RASGRP3: variants seen among roughly 807,000 people sequenced by gnomAD.
RASGRP3 encodes the protein RAS guanyl releasing protein 3.
Under a neutral mutation model 82.7 loss-of-function variants are expected in RASGRP3, and 54 were observed. That is an observed-to-expected ratio of 0.65 (90% CI 0.52 to 0.82). The LOEUF is 0.82. RASGRP3 is among the 40% of genes least tolerant of loss of function. The pLI, the probability that RASGRP3 is intolerant of heterozygous loss-of-function variation, is 0.00. For synonymous variants in RASGRP3, 309 were observed against 300.5 expected (o/e 1.03, Z -0.29); for missense variants, 861 against 828.9 (o/e 1.04, Z -0.48).
intron 2 of RASGRP3, among the ~76,000 whole-genome samples, chr2:33,460,653 T>TA (rs1327639930): frequency 6.6e-6 from 1 of 152,060 alleles, no homozygotes; most frequent in African/African-American, 2.4e-5. Flanking sequence ...TAGCTGGGAC[T>TA]ACAGGCACAA....
In RASGRP3 at chr2:33,523,202, G is replaced by A. The variant is rs531099380; in HGVS notation, c.517-677G>A. Among the ~76,000 whole-genome samples the A allele has an allele frequency of 6.6e-5, 10 of 152,152 alleles. No homozygotes were observed. The South Asian group carries it at 8.3e-4, about 13-fold the overall frequency. ...AAAATGGAGATTCTTGGCCGGGCGC[G>A]CCTTTAATCCCAGCACTTTGGGAGG... On this transcript the variant is annotated intron_variant, in intron 7 of 17. Transcript: ENST00000403687.
chr2:33,516,095 C>G (rs1367677803), intron 3 of RASGRP3, among the ~76,000 whole-genome samples: 1 of 152,172 alleles, frequency 6.6e-6, no homozygotes, highest in Non-Finnish European at 1.5e-5. Context: ...CAAGGAAATA[C>G]TAGCCGAAGT....
intron 10 of RASGRP3, chr2:33,533,145 T>G (rs961939495): frequency 3.9e-5 from 6 of 152,192 alleles, no homozygotes; most frequent in Non-Finnish European, 2.9e-5. Flanking sequence ...TGTCCTAGCT[T>G]TAAAGGACTA....
At chr2:33,442,228 A>T (rs1277735523) in intron 1 of RASGRP3, among the ~76,000 whole-genome samples, 1 of 152,208 alleles carries the variant, frequency 6.6e-6, no homozygotes, top group Non-Finnish European at 1.5e-5. Context: ...GCCAGGCGTG[A>T]TGGCATGCGC....
At position 33,541,979 on chromosome 2, in the gene RASGRP3, C is replaced by CTA. The variant is rs767257156; in HGVS notation, c.1279-1530_1279-1529dup. Among the ~76,000 whole-genome samples, 92 of 146,622 alleles carry CTA rather than the reference C, an allele frequency of 6.3e-4. 5 individuals are homozygous for CTA. Among genetic ancestry groups the CTA allele is most frequent in the Non-Finnish European group, 1.2e-3 (81 of 65,620 alleles). ...AATACACTAGTGCAGTGGCTCATGCCTATAATCCCAGCACTTTGGGAGGCT... is the reference window on the plus strand; with the variant it reads ...AATACACTAGTGCAGTGGCTCATGCCTATATAATCCCAGCACTTTGGGAGGCT... On this transcript the variant is annotated intron_variant, in intron 12 of 17. Coordinates refer to ENST00000403687, the MANE Select transcript of RASGRP3 (RefSeq NM_001139488.2).
At chr2:33,472,783 C>T (rs913962235), upstream of RASGRP3, among the ~76,000 whole-genome samples, 17 of 148,238 alleles carry the variant, frequency 1.1e-4, no homozygotes, top group African/African-American at 3.5e-4. Flanking sequence ...GGTGAAACCC[C>T]GTCTCTACTA....
intron 2 of RASGRP3, among the ~76,000 whole-genome samples, chr2:33,456,358 T>A (rs1574239195): frequency 1.3e-5 from 1 of 75,522 alleles, no homozygotes; most frequent in African/African-American, 3.1e-5. Context: ...TTTATCATTC[T>A]TTCTTTCCTG....
intron 9 of RASGRP3, among the ~76,000 whole-genome samples, chr2:33,526,156 CT>C (rs1672545477): frequency 6.6e-6 from 1 of 152,220 alleles, no homozygotes; most frequent in African/African-American, 2.4e-5. Context: ...ATACAATGTA[CT>C]GATTGGCTTA....
chr2:33,449,734 G>A (rs1039480510), intron 2 of RASGRP3, among the ~76,000 whole-genome samples: 1 of 151,938 alleles, frequency 6.6e-6, no homozygotes, highest in African/African-American at 2.4e-5. Context: ...ACTCCAGCCT[G>A]GTGATAGTAC....
chr2:33,537,054 C>T (rs150089298), intron 11 of RASGRP3, among the ~76,000 whole-genome samples: 1 of 152,048 alleles, frequency 6.6e-6, no homozygotes, highest in African/African-American at 2.4e-5. Flanking sequence ...AGAATCAGGT[C>T]ACATGGACTT....
chr2:33,491,324 TTAAAAA>T (rs1028438217), intron 1 of RASGRP3, among the ~76,000 whole-genome samples: 4 of 149,730 alleles, frequency 2.7e-5, no homozygotes, highest in Admixed American at 2.7e-4. Context: ...CTCAAAAAAA[TTAAAAA>T]TAAAAAAAGT....
intron 1 of RASGRP3, among the ~76,000 whole-genome samples, chr2:33,441,142 T>G (rs1665205158): frequency 6.6e-6 from 1 of 152,182 alleles, no homozygotes; most frequent in African/African-American, 2.4e-5. Flanking sequence ...TCCTCCTGCC[T>G]CGGCCTCCTG....
chr2:33,444,400 T>C (rs888859491), intron 1 of RASGRP3, among the ~76,000 whole-genome samples: 1 of 152,214 alleles, frequency 6.6e-6, no homozygotes, highest in Non-Finnish European at 1.5e-5. Flanking sequence ...ATAAAAACTT[T>C]ATATTCCCTT....
chr2:33,471,729 T>C (rs897191090), upstream of RASGRP3, among the ~76,000 whole-genome samples: 2 of 152,156 alleles, frequency 1.3e-5, no homozygotes, highest in Non-Finnish European at 2.9e-5. Context: ...ACTTTTACAT[T>C]TTTCCATGGT....
chr2:33,553,619 G>A (rs1675587420), intron 14 of RASGRP3, among the ~76,000 whole-genome samples: 1 of 151,954 alleles, frequency 6.6e-6, no homozygotes, highest in Admixed American at 6.6e-5. Flanking sequence ...GGCCACCACT[G>A]CCCTTTTCTG....
chr2:33,450,941 C>T (rs1306625427), intron 2 of RASGRP3, among the ~76,000 whole-genome samples: 2 of 144,862 alleles, frequency 1.4e-5, no homozygotes, highest in Non-Finnish European at 1.5e-5. Flanking sequence ...AGGTTCACAG[C>T]ATTCTCCTGC....
chr2:33,443,284 A>T (rs1436678455), intron 1 of RASGRP3, among the ~76,000 whole-genome samples: 1 of 152,234 alleles, frequency 6.6e-6, no homozygotes, highest in Admixed American at 6.5e-5. Context: ...TCTAGTTTCC[A>T]TGCCATGAAA....
intron 1 of RASGRP3, among the ~76,000 whole-genome samples, chr2:33,483,486 AT>A (rs202150682): frequency 0.07 from 8,827 of 125,648 alleles, 194 homozygotes; most frequent in African/African-American, 0.12. Flanking sequence ...TTTAGCCACT[AT>A]TTTTTTTTTT....
At chr2:33,541,542 C>T (rs1380553646) in intron 12 of RASGRP3, among the ~76,000 whole-genome samples, 1 of 146,414 alleles carries the variant, frequency 6.8e-6, no homozygotes, top group Admixed American at 7.1e-5. Flanking sequence ...TGTCTCATAC[C>T]CTAGAAGATG....
Sources: allele counts gnomAD v4.1 joint callset (sites outside exome capture counted in the v4.1 genomes callset), GRCh38; gene constraint gnomAD v4.1.1; transcripts MANE v1.5; gene names NCBI Gene and HGNC (gene_info 2026-07-23, HGNC 2026-07-21).